ABCC4: variants seen among roughly 807,000 people sequenced by gnomAD.
ABCC4 encodes ATP-binding cassette sub-family C member 4.
In ABCC4, 102 loss-of-function variants were observed where a neutral mutation model predicts 168.5. The ratio of observed to expected loss-of-function variants is 0.61; its 90% CI spans 0.52 to 0.71. The LOEUF (loss-of-function observed/expected upper bound fraction) is 0.71. Ranked by LOEUF, ABCC4 falls within the 30% of genes least tolerant of loss-of-function variation. The pLI, the probability that ABCC4 is intolerant of heterozygous loss-of-function variation, is 0.00. For synonymous variants in ABCC4, 617 were observed against 590.7 expected (o/e 1.04, Z -0.65); for missense variants, 1,402 against 1,605.8 (o/e 0.87, Z 2.17).
At chr13:95,046,676 T>C (rs1274090962) in intron 27 of ABCC4, among the ~76,000 whole-genome samples, 2 of 151,984 alleles carry the variant, frequency 1.3e-5, no homozygotes, top group Admixed American at 1.3e-4. Flanking sequence ...GGCAGGAGAA[T>C]TGCTTGAACC....
At chr13:95,289,688 G>T (rs2041343269) in intron 1 of ABCC4, among the ~76,000 whole-genome samples, 1 of 152,204 alleles carries the variant, frequency 6.6e-6, no homozygotes, top group Non-Finnish European at 1.5e-5. Context: ...AAAAGGGGCA[G>T]CGAACCTTTG....
intron 1 of ABCC4, among the ~76,000 whole-genome samples, chr13:95,260,006 C>T (rs531712607): frequency 2.0e-5 from 3 of 152,252 alleles, no homozygotes; most frequent in Admixed American, 6.5e-5. Flanking sequence ...ACCAGCAGCA[C>T]CAGAATCCCC....
chr13:95,106,738 G>T (rs960328872), intron 20 of ABCC4, among the ~76,000 whole-genome samples: 5 of 147,654 alleles, frequency 3.4e-5, no homozygotes, highest in Non-Finnish European at 7.4e-5. Context: ...AGGAAATGAG[G>T]CAGTGACACA....
chr13:95,056,860 T>C (rs1371967558), intron 26 of ABCC4, among the ~76,000 whole-genome samples: 2 of 152,326 alleles, frequency 1.3e-5, no homozygotes, highest in South Asian at 2.1e-4. Context: ...AATGAATCTG[T>C]TTAATCCTAA....
intron 4 of ABCC4, among the ~76,000 whole-genome samples, chr13:95,231,244 G>A (rs2039613636): frequency 1.3e-5 from 2 of 152,094 alleles, no homozygotes; most frequent in South Asian, 4.1e-4. Context: ...TAATGCAAAC[G>A]AACTACTACT....
intron 27 of ABCC4, among the ~76,000 whole-genome samples, chr13:95,052,669 C>T (rs1431161584): frequency 3.3e-5 from 5 of 151,844 alleles, no homozygotes; most frequent in Non-Finnish European, 7.4e-5. Flanking sequence ...TCTTATAAAA[C>T]TTAAAGCATT....
chr13:95,099,267 G>A (rs1257040308), intron 20 of ABCC4, among the ~76,000 whole-genome samples: 1 of 152,034 alleles, frequency 6.6e-6, no homozygotes, highest in East Asian at 1.9e-4. Flanking sequence ...AAAAATTATT[G>A]GTTCCATTTA....
intron 11 of ABCC4, among the ~76,000 whole-genome samples, chr13:95,186,068 G>A (rs902106172): frequency 4.6e-5 from 7 of 151,884 alleles, no homozygotes; most frequent in Non-Finnish European, 1.0e-4. Flanking sequence ...GACATCTTCC[G>A]GAGTCTGACG....
intron 19 of ABCC4, among the ~76,000 whole-genome samples, chr13:95,148,590 CAACA>C (rs772845079): frequency 2.0e-5 from 2 of 100,704 alleles, no homozygotes; most frequent in African/African-American, 7.2e-5. Context: ...CTACCCATCA[CAACA>C]CACACACACA....
At chr13:95,211,872 G>GA (rs1775814826) in intron 4 of ABCC4, among the ~76,000 whole-genome samples, 1 of 151,578 alleles carries the variant, frequency 6.6e-6, no homozygotes, top group African/African-American at 2.4e-5. Context: ...AGATAGAAGT[G>GA]AAAACATTTT....
At chr13:95,051,960 T>G (rs183699942) in intron 27 of ABCC4, among the ~76,000 whole-genome samples, 256 of 151,774 alleles carry the variant, frequency 1.7e-3, no homozygotes, top group African/African-American at 5.4e-3. Context: ...CCACCGGGCC[T>G]GGCCAATTTT....
chr13:95,186,505 T>C lies in ABCC4; in HGVS notation c.1545+196A>G, dbSNP rs2038064111. ...CCAACCAAACCCCCGAAATTCACCC[T>C]GTAAACATCATTTTCGCATCAGACG... On this transcript the variant is annotated intron_variant, in intron 11 of 30. Coordinates refer to ENST00000645237, the MANE Select transcript of ABCC4 (RefSeq NM_005845.5). Among the ~76,000 whole-genome samples the C allele has an allele frequency of 1.3e-5, 2 of 152,316 alleles. 1 individual carries two copies. The highest frequency in any genetic ancestry group is 6.8e-3 in the Middle Eastern group (2 of 294).
At chr13:95,106,268 T>A (rs1013391509) in intron 20 of ABCC4, among the ~76,000 whole-genome samples, 1 of 152,030 alleles carries the variant, frequency 6.6e-6, no homozygotes, top group Admixed American at 6.5e-5. Context: ...AAGATGGGCA[T>A]CAAGCTACTT....
chr13:95,027,616 A>G (rs993940300), intron 30 of ABCC4, among the ~76,000 whole-genome samples: 4 of 152,242 alleles, frequency 2.6e-5, no homozygotes, highest in African/African-American at 9.6e-5. Context: ...GAAGGCAAAT[A>G]GAAGAAAAAC....
intron 19 of ABCC4, among the ~76,000 whole-genome samples, chr13:95,159,511 A>G (rs889345282): frequency 2.6e-5 from 4 of 152,190 alleles, no homozygotes; most frequent in African/African-American, 9.6e-5. Flanking sequence ...ATAAATCAGC[A>G]TGAGGAGAAG....
At chr13:95,226,317 T>C (rs2039465254) in intron 4 of ABCC4, among the ~76,000 whole-genome samples, 1 of 152,064 alleles carries the variant, frequency 6.6e-6, no homozygotes, top group East Asian at 1.9e-4. Context: ...TTGGGTAACT[T>C]TCACTATTTG....
intron 18 of ABCC4, among the ~76,000 whole-genome samples, chr13:95,162,224 T>G (rs2037121068): frequency 6.6e-6 from 1 of 152,204 alleles, no homozygotes; most frequent in African/African-American, 2.4e-5. Flanking sequence ...TTCCTTTAGT[T>G]TCCACATAGT....
At chr13:95,113,435 T>C (rs1437092626) in intron 20 of ABCC4, among the ~76,000 whole-genome samples, 2 of 152,200 alleles carry the variant, frequency 1.3e-5, no homozygotes, top group African/African-American at 2.4e-5. Flanking sequence ...ATATAATGTA[T>C]TTGATTTGGA....
At position 95,188,783 on chromosome 13, in the gene ABCC4, C is replaced by G. The variant is rs570600179; in HGVS notation, c.1264-241G>C. Among the ~76,000 whole-genome samples, 3 of 152,146 alleles carry G rather than the reference C, an allele frequency of 2.0e-5. No individual in the cohort carries two copies. In the South Asian group the frequency reaches 6.2e-4, roughly 32 times the overall value. ...GGCCCATTCCCTTTTACCAGATTTT[C>G]ATGTGAACACAGCTCCAGACTTCCA... On this transcript the variant is annotated intron_variant, in intron 9 of 30. Coordinates refer to ENST00000645237, the MANE Select transcript of ABCC4 (RefSeq NM_005845.5).
Sources: gnomAD v4.1 joint callset for allele counts (sites outside exome capture counted in the v4.1 genomes callset) on GRCh38, gnomAD v4.1.1 for gene constraint, MANE v1.5 for transcripts, NCBI Gene and HGNC (gene_info 2026-07-23, HGNC 2026-07-21) for gene names.